The following PRKN variants were observed in gnomAD, a reference collection of about 807,000 sequenced individuals.
PRKN encodes the protein E3 ubiquitin-protein ligase parkin.
In PRKN, 56 loss-of-function variants were observed where a neutral mutation model predicts 59.5. The observed-to-expected ratio is 0.94, with a 90% CI of 0.76 to 1.18. The LOEUF is 1.18. Ranked by LOEUF, PRKN falls within the 50% of genes most tolerant of loss-of-function variation. The probability of loss-of-function intolerance (pLI) is 0.00; values close to 1 mark genes in which losing one functional copy is unlikely to be tolerated. For synonymous variants in PRKN, 250 were observed against 222.1 expected (o/e 1.13, Z -1.12); for missense variants, 657 against 596.4 (o/e 1.10, Z -1.06).
At chr6:161,585,023 C>G (rs1781473093) in intron 7 of PRKN, among the ~76,000 whole-genome samples, 1 of 152,162 alleles carries the variant, frequency 6.6e-6, no homozygotes, top group South Asian at 2.1e-4. Flanking sequence ...AAAAACCAAA[C>G]AGAACACTTC....
At chr6:162,458,991 T>C (rs575602384) in intron 1 of PRKN, among the ~76,000 whole-genome samples, 81 of 152,202 alleles carry the variant, frequency 5.3e-4, no homozygotes, top group African/African-American at 1.9e-3. Context: ...TGGCTAATTT[T>C]TGTTTTTTTA....
In PRKN at chr6:162,326,657, G is replaced by A. The variant is rs551790226; in HGVS notation, c.172-63892C>T. Among the ~76,000 whole-genome samples the A allele has an allele frequency of 2.1e-3, 314 of 152,198 alleles. 2 individuals carry two copies. Among genetic ancestry groups the A allele is most frequent in the African/African-American group, 7.3e-3 (302 of 41,532 alleles). On this transcript the variant is annotated intron_variant, in intron 2 of 11. Transcript: ENST00000366898. ...ATTCATAAATCAATGATACTCCCCTGAACTGCCCAAGGTTTGCATCATAGA... is the reference window on the plus strand; with the variant it reads ...ATTCATAAATCAATGATACTCCCCTAAACTGCCCAAGGTTTGCATCATAGA...
intron 9 of PRKN, among the ~76,000 whole-genome samples, chr6:161,436,766 G>C (rs1459538740): frequency 6.6e-6 from 1 of 152,080 alleles, no homozygotes; most frequent in Non-Finnish European, 1.5e-5. Context: ...CCATTCCTCA[G>C]GGTCTCCTGG....
chr6:162,660,464 T>C (rs1778835399), intron 1 of PRKN, among the ~76,000 whole-genome samples: 1 of 152,182 alleles, frequency 6.6e-6, no homozygotes, highest in Non-Finnish European at 1.5e-5. Context: ...ATGTAGAAAA[T>C]GTGAACTGAT....
chr6:162,529,399 C>G (rs1185716529), intron 1 of PRKN, among the ~76,000 whole-genome samples: 1 of 152,108 alleles, frequency 6.6e-6, no homozygotes, highest in Non-Finnish European at 1.5e-5. Flanking sequence ...CCTGCCAAAA[C>G]AGAATATTGA....
chr6:162,025,087 C>T (rs1382749023), intron 5 of PRKN, among the ~76,000 whole-genome samples: 7 of 148,612 alleles, frequency 4.7e-5, no homozygotes, highest in Non-Finnish European at 8.9e-5. Context: ...GCAATCTCGG[C>T]TCACTGCAAG....
intron 1 of PRKN, among the ~76,000 whole-genome samples, chr6:162,598,121 G>A (rs1303894664): frequency 6.6e-6 from 1 of 152,160 alleles, no homozygotes; most frequent in Non-Finnish European, 1.5e-5. Flanking sequence ...CAAAGGAAGT[G>A]TAATATTTGT....
intron 1 of PRKN, among the ~76,000 whole-genome samples, chr6:162,717,813 C>T (rs1309356869): frequency 6.6e-6 from 1 of 152,154 alleles, no homozygotes. Flanking sequence ...GCATAGTATG[C>T]TACCATTGAA....
intron 3 of PRKN, among the ~76,000 whole-genome samples, chr6:162,249,683 T>A (rs1044843502): frequency 2.6e-5 from 4 of 152,090 alleles, no homozygotes; most frequent in African/African-American, 9.7e-5. Context: ...TCAGGCAGAA[T>A]TAATTATCTG....
intron 7 of PRKN, among the ~76,000 whole-genome samples, chr6:161,683,114 A>G (rs751167181): frequency 6.6e-6 from 1 of 152,330 alleles, no homozygotes; most frequent in African/African-American, 2.4e-5. Flanking sequence ...CAAGGGCCCA[A>G]GCTGAGTGAA....
At chr6:161,426,749 C>G (rs574641910) in intron 9 of PRKN, among the ~76,000 whole-genome samples, 2 of 151,570 alleles carry the variant, frequency 1.3e-5, no homozygotes, top group African/African-American at 4.9e-5. Context: ...GACAGAGTCT[C>G]GCTCTGTCAC....
Position 162,306,984 on chromosome 6 carries a change from G to A in PRKN, c.172-44219C>T, listed in dbSNP as rs143289425. Among the ~76,000 whole-genome samples the A allele has an allele frequency of 8.1e-4, 123 of 152,264 alleles. 2 individuals carry two copies. The East Asian group carries it at 0.015, about 19-fold the overall frequency. On this transcript the variant is annotated intron_variant, in intron 2 of 11. Transcript: ENST00000366898. Reference sequence around the variant, plus strand: ...GTAATTAACCAGTTCTCCAATGTTGGCATTAAATTCAAGATTTGTATTTTT... The same window carrying A: ...GTAATTAACCAGTTCTCCAATGTTGACATTAAATTCAAGATTTGTATTTTT...
chr6:162,130,809 A>G (rs1328248776), intron 4 of PRKN, among the ~76,000 whole-genome samples: 1 of 152,158 alleles, frequency 6.6e-6, no homozygotes, highest in African/African-American at 2.4e-5. Context: ...AAATTTTCTT[A>G]TCTGTAAAAT....
chr6:161,445,176 C>A lies in PRKN; in HGVS notation c.1084-58299G>T. 6.6e-6 allele frequency among the ~76,000 whole-genome samples: 1 copy of A among 152,128 alleles called. No individual in the cohort carries two copies. The highest frequency in any genetic ancestry group is 1.9e-4 in the East Asian group (1 of 5,174). ...CGGCGCTGACACAGCTCCCCCTGCA[C>A]GAGTGTACAGCAGTCAGACAGGAAC... is the stretch of plus-strand genomic sequence containing the variant. On this transcript the variant is annotated intron_variant, in intron 9 of 11. Transcript: ENST00000366898. The surrounding 1 kb of genome is among the most constrained non-coding windows in gnomAD (Gnocchi z 7.7).
At chr6:162,538,115 C>A (rs1778792322) in intron 1 of PRKN, among the ~76,000 whole-genome samples, 1 of 152,130 alleles carries the variant, frequency 6.6e-6, no homozygotes, top group Non-Finnish European at 1.5e-5. Context: ...ACCCAAATAC[C>A]TCGGCGGGTG....
intron 6 of PRKN, among the ~76,000 whole-genome samples, chr6:161,846,476 C>T (rs1284339214): frequency 6.6e-6 from 1 of 152,172 alleles, no homozygotes; most frequent in Non-Finnish European, 1.5e-5. Flanking sequence ...TGAGCACCTG[C>T]CCAACAGCAG....
At position 161,988,745 on chromosome 6, in the gene PRKN, C is replaced by T. The variant is rs138120837; in HGVS notation, c.619-15328G>A. ...TATATAAATCATAAACACAGAGAAGCGGAACCCAAAAAAAAATTGCAGAAA... is the reference window on the plus strand; with the variant it reads ...TATATAAATCATAAACACAGAGAAGTGGAACCCAAAAAAAAATTGCAGAAA... On this transcript the variant is annotated intron_variant, in intron 5 of 11. Coordinates refer to ENST00000366898, the MANE Select transcript of PRKN (RefSeq NM_004562.3). Among the ~76,000 whole-genome samples the T allele has an allele frequency of 4.7e-3, 714 of 151,984 alleles. 4 individuals carry two copies. The highest frequency in any genetic ancestry group is 0.015 in the African/African-American group (609 of 41,462).
At chr6:162,200,992 T>G in intron 4 of PRKN, 139 bp downstream of exon 4, 1 of 960,482 alleles carries the variant, frequency 1.0e-6, no homozygotes, top group South Asian at 1.4e-5. Context: ...ACTTCGGCTA[T>G]CATTAACTAT....
At chr6:162,692,818 T>A (rs1474200227) in intron 1 of PRKN, among the ~76,000 whole-genome samples, 1 of 152,184 alleles carries the variant, frequency 6.6e-6, no homozygotes, top group Non-Finnish European at 1.5e-5. Context: ...AATAGCTTTT[T>A]ATAATAGATT....
Sources: gnomAD v4.1 joint callset for allele counts (sites outside exome capture counted in the v4.1 genomes callset) on GRCh38, gnomAD v4.1.1 for gene constraint, Gnocchi (gnomAD v3.1) non-coding constraint, MANE v1.5 for transcripts, NCBI Gene and HGNC (gene_info 2026-07-23, HGNC 2026-07-21) for gene names.